Variants in MMP26 observed in about 807,000 individuals in gnomAD.
MMP26 encodes the protein matrix metalloproteinase-26.
In MMP26, 33 loss-of-function variants were observed where a neutral mutation model predicts 31.0. That is an observed-to-expected ratio of 1.06 (90% CI 0.81 to 1.42). The LOEUF is 1.42. MMP26 is among the 40% of genes most tolerant of loss of function. The probability of loss-of-function intolerance (pLI) is 0.00; values close to 1 mark genes in which losing one functional copy is unlikely to be tolerated. For missense variants in MMP26, 347 were observed against 316.1 expected (o/e 1.10, Z -0.74); for synonymous variants, 122 against 114.9 (o/e 1.06, Z -0.40).
At chr11:4,765,783 A>G (rs562249387) in intron 1 of MMP26, among the ~76,000 whole-genome samples, 2 of 152,278 alleles carry the variant, frequency 1.3e-5, no homozygotes, top group Admixed American at 6.5e-5. Context: ...CTTCTGAACG[A>G]TGTGTCCTCT....
intron 2 of MMP26, among the ~76,000 whole-genome samples, chr11:4,856,212 C>T (rs1850049970): frequency 6.6e-6 from 1 of 152,106 alleles, no homozygotes; most frequent in Non-Finnish European, 1.5e-5. Context: ...ATCAAATTCA[C>T]ACATAACAAT....
chr11:4,804,322 A>C, intron 2 of MMP26: 1 of 1,614,162 alleles, frequency 6.2e-7, no homozygotes, highest in Non-Finnish European at 8.5e-7. Flanking sequence ...CAGGCCTGGG[A>C]TTCCAAGCAG....
At chr11:4,732,177 C>T (rs540986088) in intron 1 of MMP26, among the ~76,000 whole-genome samples, 1 of 152,148 alleles carries the variant, frequency 6.6e-6, no homozygotes, top group African/African-American at 2.4e-5. Flanking sequence ...ACTTCTCGTT[C>T]GATATTCTCC....
intron 2 of MMP26, among the ~76,000 whole-genome samples, chr11:4,970,337 G>A (rs1846648980): frequency 6.6e-6 from 1 of 152,182 alleles, no homozygotes; most frequent in Non-Finnish European, 1.5e-5. Context: ...GACAGAAGCT[G>A]TGGGCTACCT....
intron 2 of MMP26, among the ~76,000 whole-genome samples, chr11:4,867,034 A>T (rs1850244797): frequency 6.6e-6 from 1 of 152,182 alleles, no homozygotes; most frequent in African/African-American, 2.4e-5. Context: ...GAACGATTTC[A>T]TGACAAAGAT....
intron 2 of MMP26, among the ~76,000 whole-genome samples, chr11:4,837,553 T>A (rs1415075956): frequency 6.6e-6 from 1 of 152,150 alleles, no homozygotes; most frequent in Non-Finnish European, 1.5e-5. Flanking sequence ...TGAAGATTAT[T>A]TGAATAGGCT....
rs746875305 is a variant in MMP26 at position 4,769,127 on chromosome 11, T to C, written c.-145+1786T>C. The C allele has an allele frequency of 8.1e-6, 13 of 1,609,896 alleles. No individual in the cohort carries two copies. The South Asian group carries it at 1.3e-4, about 16-fold the overall frequency. ...TCTGGGGGCTGACCGACCATAGCGA[T>C]ACACCAAGGACAGGCTCAGCATGTG... On this transcript the variant is annotated intron_variant, in intron 2 of 7. Coordinates refer to ENST00000380390, the MANE Select transcript of MMP26 (RefSeq NM_021801.5).
intron 1 of MMP26, among the ~76,000 whole-genome samples, chr11:4,760,306 G>T (rs78172301): frequency 0.016 from 2,454 of 152,268 alleles, 60 homozygotes; most frequent in African/African-American, 0.056. Context: ...TTATAGAGAA[G>T]GATTTAAGAT....
chr11:4,797,883 G>A (rs10836673), intron 2 of MMP26, among the ~76,000 whole-genome samples: 23,161 of 152,064 alleles, frequency 0.15, 1,863 homozygotes, highest in Middle Eastern at 0.21. Flanking sequence ...TTGCTTATTT[G>A]TTTGCTTGTT....
At chr11:4,819,581 T>TTTTTTTTG in intron 2 of MMP26, among the ~76,000 whole-genome samples, 1 of 135,252 alleles carries the variant, frequency 7.4e-6, no homozygotes, top group Non-Finnish European at 1.6e-5. Context: ...TTTTTTTTTT[T>TTTTTTTTG]TTTTTTTTTT....
In MMP26 at chr11:4,990,588, C is replaced by T. The variant is rs774151971; in HGVS notation, c.321-10C>T. 5 of 1,606,728 alleles carry T rather than the reference C, an allele frequency of 3.1e-6. 1 individual carries two copies. In the Admixed American group the frequency reaches 5.0e-5, roughly 16 times the overall value. ...TCTGAACTATTTCATTTAGAGATTG[C>T]TTTCCTCAGGATTATCAATTACCCA... On this transcript the variant is annotated splice_polypyrimidine_tract_variant and intron_variant, in intron 4 of 7. Transcript: ENST00000380390.
At chr11:4,820,692 T>G (rs1488186372) in intron 2 of MMP26, among the ~76,000 whole-genome samples, 5 of 152,124 alleles carry the variant, frequency 3.3e-5, no homozygotes, top group Non-Finnish European at 7.4e-5. Flanking sequence ...TTCTTACTTT[T>G]GTGGTTTCTC....
chr11:4,856,410 G>T (rs1376502093), intron 2 of MMP26, among the ~76,000 whole-genome samples: 1 of 152,098 alleles, frequency 6.6e-6, no homozygotes, highest in Non-Finnish European at 1.5e-5. Flanking sequence ...AAAAAAAGCA[G>T]GGATTGCAAT....
intron 3 of MMP26, 97 bp downstream of exon 3, chr11:4,988,407 A>G: frequency 3.5e-6 from 3 of 857,808 alleles, no homozygotes; most frequent in Admixed American, 3.5e-5. Flanking sequence ...TATAATGATA[A>G]ATACACACAT....
chr11:4,859,703 G>A (rs1850114323), intron 2 of MMP26: 1 of 470,196 alleles, frequency 2.1e-6, no homozygotes, highest in South Asian at 1.5e-5. Context: ...TTTAGCACAG[G>A]CGGGAGCAGT....
intron 1 of MMP26, chr11:4,752,736 A>ACTGT (rs1426681948): frequency 6.6e-6 from 1 of 152,394 alleles, no homozygotes; most frequent in Non-Finnish European, 1.5e-5. Context: ...TATTCCCAGC[A>ACTGT]CTGTCACCAG....
chr11:4,840,476 C>T (rs1406622883), intron 2 of MMP26, among the ~76,000 whole-genome samples: 1 of 152,202 alleles, frequency 6.6e-6, no homozygotes, highest in Non-Finnish European at 1.5e-5. Flanking sequence ...TGGCTCAGAA[C>T]ACAGACAGAC....
chr11:4,854,217 T>C (rs1275808018), intron 2 of MMP26, among the ~76,000 whole-genome samples: 3 of 152,130 alleles, frequency 2.0e-5, no homozygotes, highest in Admixed American at 2.0e-4. Context: ...TGGGGCTTGT[T>C]GGACAGTGGG....
chr11:4,917,974 A>G (rs1397384715), intron 2 of MMP26, among the ~76,000 whole-genome samples: 1 of 150,850 alleles, frequency 6.6e-6, no homozygotes, highest in Non-Finnish European at 1.5e-5. Flanking sequence ...AATATTTTTG[A>G]CATTAAAATG....
Sources: gnomAD v4.1 joint callset for allele counts (sites outside exome capture counted in the v4.1 genomes callset) on GRCh38, gnomAD v4.1.1 for gene constraint, MANE v1.5 for transcripts, NCBI Gene and HGNC (gene_info 2026-07-23, HGNC 2026-07-21) for gene names.